The following MALRD1 variants were observed in gnomAD, a reference collection of about 807,000 sequenced individuals.
The protein encoded by MALRD1 is MAM and LDL receptor class A domain containing 1.
MALRD1 carries 247 observed loss-of-function variants against 242.1 expected under a neutral mutation model. The ratio of observed to expected loss-of-function variants is 1.02; its 90% CI spans 0.92 to 1.13. The LOEUF (loss-of-function observed/expected upper bound fraction) is 1.13, where lower values mean the gene tolerates loss of function less well. Ranked by LOEUF, MALRD1 falls within the 50% of genes most tolerant of loss-of-function variation. The pLI, the probability that MALRD1 is intolerant of heterozygous loss-of-function variation, is 0.00. For missense variants in MALRD1, 2,989 were observed against 2,533.1 expected (o/e 1.18, Z -3.86); for synonymous variants, 995 against 866.6 (o/e 1.15, Z -2.60).
chr10:19,242,919 A>G (rs1838856767), intron 18 of MALRD1, among the ~76,000 whole-genome samples: 2 of 151,994 alleles, frequency 1.3e-5, no homozygotes, highest in South Asian at 2.1e-4. Context: ...ATCCACTTCT[A>G]TTCAAGTTTA....
intron 18 of MALRD1, among the ~76,000 whole-genome samples, chr10:19,242,701 G>GT (rs993819274): frequency 6.6e-6 from 1 of 151,788 alleles, no homozygotes. Flanking sequence ...TTTTTATATA[G>GT]TTTTTTTATT....
chr10:19,107,069 A>G (rs1446786377), intron 5 of MALRD1, among the ~76,000 whole-genome samples: 1 of 151,976 alleles, frequency 6.6e-6, no homozygotes, highest in Non-Finnish European at 1.5e-5. Context: ...CCTGGAGAAA[A>G]TTCCATGTGC....
At position 19,362,616 on chromosome 10, in the gene MALRD1, A is replaced by T. The variant is rs1398195246; in HGVS notation, c.4441+10319A>T. Reference sequence around the variant, plus strand: ...GTAGCTGAGAAACTAAAGCTGGAAGAAGGTAGTGGGATAGGAGGTCAGAGA... The same window carrying T: ...GTAGCTGAGAAACTAAAGCTGGAAGTAGGTAGTGGGATAGGAGGTCAGAGA... On this transcript the variant is annotated intron_variant, in intron 26 of 39. Coordinates refer to ENST00000454679, the MANE Select transcript of MALRD1 (RefSeq NM_001142308.3). Among the ~76,000 whole-genome samples, 4 of 152,176 alleles carry T rather than the reference A, an allele frequency of 2.6e-5. 1 individual carries two copies. In the South Asian group the frequency reaches 6.2e-4, roughly 24 times the overall value.
chr10:19,111,390 G>T (rs1463270201), intron 5 of MALRD1, among the ~76,000 whole-genome samples: 1 of 152,282 alleles, frequency 6.6e-6, no homozygotes. Context: ...TACTAAAGAA[G>T]AGGCATCAAT....
At chr10:19,563,205 G>C (rs1387108462) in intron 32 of MALRD1, among the ~76,000 whole-genome samples, 1 of 152,078 alleles carries the variant, frequency 6.6e-6, no homozygotes, top group Non-Finnish European at 1.5e-5. Context: ...ACATCACTTA[G>C]GAGACATGAC....
chr10:19,620,337 G>C lies in MALRD1; in HGVS notation c.6137+4414G>C, dbSNP rs533904307. ...TCCTCCCACCCTCCACTCTCAAGTA[G>C]GCCTCAGTGTTTGTTGTTCCCTTCT... On this transcript the variant is annotated intron_variant, in intron 36 of 39. Transcript: ENST00000454679. Among the ~76,000 whole-genome samples the C allele has an allele frequency of 1.4e-4, 21 of 152,042 alleles. No homozygotes were observed. In the South Asian group the frequency reaches 4.4e-3, roughly 32 times the overall value.
At chr10:19,509,583 A>G (rs1364652438) in intron 31 of MALRD1, among the ~76,000 whole-genome samples, 3 of 152,166 alleles carry the variant, frequency 2.0e-5, no homozygotes, top group Non-Finnish European at 4.4e-5. Flanking sequence ...GTTTGTCACC[A>G]TCATAGTGGA....
intron 4 of MALRD1, among the ~76,000 whole-genome samples, chr10:19,100,996 C>T (rs1836230034): frequency 6.6e-6 from 1 of 152,008 alleles, no homozygotes; most frequent in South Asian, 2.1e-4. Context: ...ACACACAATT[C>T]ATATAACAGC....
chr10:19,625,639 A>G (rs1364424805), intron 36 of MALRD1, among the ~76,000 whole-genome samples: 1 of 152,166 alleles, frequency 6.6e-6, no homozygotes, highest in African/African-American at 2.4e-5. Flanking sequence ...GCCGAAGATG[A>G]AAATGTACAT....
intron 21 of MALRD1, among the ~76,000 whole-genome samples, chr10:19,313,850 G>A (rs1171814769): frequency 6.6e-6 from 1 of 151,382 alleles, no homozygotes; most frequent in East Asian, 1.9e-4. Context: ...GAGAATAGTT[G>A]GCTCTGATAC....
chr10:19,347,573 A>G (rs1247185627), intron 24 of MALRD1, among the ~76,000 whole-genome samples, 198 bp from the exon 25 acceptor site: 1 of 152,174 alleles, frequency 6.6e-6, no homozygotes, highest in Non-Finnish European at 1.5e-5. Flanking sequence ...ATTTGTAGAG[A>G]AATGAACTTA....
intron 29 of MALRD1, among the ~76,000 whole-genome samples, chr10:19,451,186 C>T (rs1564353282): frequency 6.6e-6 from 1 of 152,010 alleles, no homozygotes; most frequent in Non-Finnish European, 1.5e-5. Flanking sequence ...CATGTATTTA[C>T]CTAATTTAAA....
rs16918350 is a variant in MALRD1, at chr10:19,204,733, A to C, written c.2211-165A>C. Reference sequence around the variant, plus strand: ...GTGAGAACCACAGAGTGTGTGCCTCAGTAGATAAGCTCTTGCAAATGGACA... The same window carrying C: ...GTGAGAACCACAGAGTGTGTGCCTCCGTAGATAAGCTCTTGCAAATGGACA... On this transcript the variant is annotated intron_variant, in intron 16 of 39. Transcript: ENST00000454679. Among the ~76,000 whole-genome samples the C allele has an allele frequency of 8.5e-3, 1,289 of 152,308 alleles. 14 individuals carry two copies. The highest frequency in any genetic ancestry group is 0.029 in the African/African-American group (1,220 of 41,544).
intron 33 of MALRD1, among the ~76,000 whole-genome samples, chr10:19,588,206 T>C (rs1837549218): frequency 6.6e-6 from 1 of 152,210 alleles, no homozygotes; most frequent in African/African-American, 2.4e-5. Flanking sequence ...TTTTACTATT[T>C]ATGATTTATT....
intron 32 of MALRD1, among the ~76,000 whole-genome samples, chr10:19,548,042 C>T: frequency 7.8e-6 from 1 of 128,752 alleles, no homozygotes. Context: ...CTCTTGTTGG[C>T]CGGGCTGGAG....
intron 2 of MALRD1, among the ~76,000 whole-genome samples, chr10:19,070,109 T>C (rs957622784): frequency 1.3e-5 from 2 of 152,278 alleles, no homozygotes; most frequent in East Asian, 1.9e-4. Flanking sequence ...GTGATTTTTT[T>C]CCCTTGTTAC....
intron 11 of MALRD1, among the ~76,000 whole-genome samples, chr10:19,150,963 T>C (rs993794139): frequency 9.9e-5 from 15 of 152,198 alleles, no homozygotes; most frequent in African/African-American, 3.6e-4. Flanking sequence ...GTGAGACTTC[T>C]ATATTTTTTA....
chr10:19,677,161 A>T (rs1842171163), intron 36 of MALRD1, among the ~76,000 whole-genome samples: 1 of 152,166 alleles, frequency 6.6e-6, no homozygotes, highest in African/African-American at 2.4e-5. Flanking sequence ...AATGATTTAT[A>T]TTCCTTTGGG....
chr10:19,420,372 G>A lies in MALRD1; in HGVS notation c.4846-29935G>A, dbSNP rs187629447. On this transcript the variant is annotated intron_variant, in intron 28 of 39. Coordinates refer to ENST00000454679, the MANE Select transcript of MALRD1 (RefSeq NM_001142308.3). ...AAGAAGTTAAGTTTAAAAGTAGAAG[G>A]CAAAGAATTGAACATACTGACATAT... Among the ~76,000 whole-genome samples, 201 of 152,118 alleles carry A rather than the reference G, an allele frequency of 1.3e-3. 1 individual carries two copies. The highest frequency in any genetic ancestry group is 0.011 in the Admixed American group (172 of 15,274).
Sources: allele counts gnomAD v4.1 joint callset (sites outside exome capture counted in the v4.1 genomes callset), GRCh38; gene constraint gnomAD v4.1.1; transcripts MANE v1.5; gene names NCBI Gene and HGNC (gene_info 2026-07-23, HGNC 2026-07-21).